Variants in GNA12 observed in about 807,000 individuals in gnomAD.
The protein encoded by GNA12 is G protein subunit alpha 12, also known as guanine nucleotide-binding protein subunit alpha-12.
In GNA12, 9 loss-of-function variants were observed where a neutral mutation model predicts 26.0. The observed-to-expected ratio is 0.35, with a 90% CI of 0.21 to 0.60. GNA12 has a LOEUF of 0.60. Among genes scored for constraint, GNA12 ranks in the 20% least tolerant of loss-of-function variants. The probability of loss-of-function intolerance (pLI) is 0.78; values close to 1 mark genes in which losing one functional copy is unlikely to be tolerated. For synonymous variants in GNA12, 264 were observed against 219.6 expected (o/e 1.20, Z -1.79); for missense variants, 405 against 525.8 (o/e 0.77, Z 2.25).
intron 2 of GNA12, among the ~76,000 whole-genome samples, chr7:2,742,912 T>C (rs1790583464): frequency 6.6e-6 from 1 of 152,242 alleles, no homozygotes; most frequent in Non-Finnish European, 1.5e-5. Context: ...TCTGTATTCA[T>C]TCTAATAATA....
At chr7:2,783,105 G>A (rs75506481) in intron 2 of GNA12, among the ~76,000 whole-genome samples, 2,194 of 152,270 alleles carry the variant, frequency 0.014, 48 homozygotes, top group African/African-American at 0.046. Flanking sequence ...TGACCCCACC[G>A]TCTGCTGCAG....
At chr7:2,834,368 C>A (rs1778767294) in intron 1 of GNA12, among the ~76,000 whole-genome samples, 1 of 152,206 alleles carries the variant, frequency 6.6e-6, no homozygotes, top group African/African-American at 2.4e-5. Flanking sequence ...TTCCCACTGG[C>A]CTCCTGCAAC....
chr7:2,749,413 A>G (rs1790917564), intron 2 of GNA12, among the ~76,000 whole-genome samples: 1 of 152,060 alleles, frequency 6.6e-6, no homozygotes, highest in Admixed American at 6.6e-5. Context: ...TTGCAAGGAC[A>G]AAAAACCAAA....
intron 1 of GNA12, among the ~76,000 whole-genome samples, chr7:2,800,626 G>T (rs908587267): frequency 6.6e-6 from 1 of 152,284 alleles, no homozygotes; most frequent in African/African-American, 2.4e-5. Context: ...AAGTTCCAAC[G>T]ATGTGATGTG....
chr7:2,802,500 C>A (rs572481958), intron 1 of GNA12, among the ~76,000 whole-genome samples: 4 of 152,068 alleles, frequency 2.6e-5, no homozygotes, highest in East Asian at 3.9e-4. Context: ...CTAATCAAAC[C>A]AAATCTTTTA....
intron 1 of GNA12, among the ~76,000 whole-genome samples, chr7:2,838,073 G>C (rs949139400): frequency 6.6e-6 from 1 of 151,872 alleles, no homozygotes; most frequent in Non-Finnish European, 1.5e-5. Flanking sequence ...CAGGAGACTG[G>C]GATCAGTTAC....
intron 2 of GNA12, chr7:2,762,971 T>C: frequency 7.4e-7 from 1 of 1,352,498 alleles, no homozygotes; most frequent in African/African-American, 1.5e-5. Context: ...CTCCTGCTCC[T>C]CAGAAAGAGC....
At chr7:2,770,673 CACAG>C (rs1180971180) in intron 2 of GNA12, among the ~76,000 whole-genome samples, 1 of 152,096 alleles carries the variant, frequency 6.6e-6, no homozygotes, top group East Asian at 1.9e-4. Context: ...CAAAACAACA[CACAG>C]AAAGAAAGAA....
intron 2 of GNA12, among the ~76,000 whole-genome samples, chr7:2,779,197 T>C (rs1016751942): frequency 1.3e-5 from 2 of 151,834 alleles, no homozygotes; most frequent in African/African-American, 2.4e-5. Context: ...CTACAAAAAA[T>C]TAAAAAGCCT....
rs1161544982 is a variant in GNA12, at chr7:2,729,039, A to T, written c.*2142T>A. 2 of 152,428 alleles carry T rather than the reference A, an allele frequency of 1.3e-5. No individual in the cohort carries two copies. The highest frequency in any genetic ancestry group is 2.4e-5 in the African/African-American group (1 of 41,478). The allele number at this position is 152,428 out of a possible 1,614,324, so 9.4% of individuals were successfully genotyped here. On this transcript the variant is annotated 3_prime_UTR_variant, in exon 4 of 4. Coordinates refer to ENST00000275364, the MANE Select transcript of GNA12 (RefSeq NM_007353.3). Reference sequence around the variant, plus strand: ...GACGAGTAAATATGTCAGACTGTTTAAAGGAAAACAAGCACTCATTGACAA... The same window carrying T: ...GACGAGTAAATATGTCAGACTGTTTTAAGGAAAACAAGCACTCATTGACAA...
intron 2 of GNA12, among the ~76,000 whole-genome samples, chr7:2,766,067 A>C (rs565210029): frequency 9.8e-5 from 15 of 152,340 alleles, no homozygotes; most frequent in African/African-American, 3.4e-4. Flanking sequence ...ACCGATCTCC[A>C]AAACTTTTTC....
intron 2 of GNA12, among the ~76,000 whole-genome samples, chr7:2,782,077 G>C (rs1792243211): frequency 6.6e-6 from 1 of 152,168 alleles, no homozygotes; most frequent in Non-Finnish European, 1.5e-5. Flanking sequence ...TTAACAAATT[G>C]TGCTAGAACA....
chr7:2,794,899 G>A, intron 2 of GNA12, 29 bp downstream of exon 2: 1 of 1,482,422 alleles, frequency 6.7e-7, no homozygotes, highest in Non-Finnish European at 9.4e-7. Flanking sequence ...ACACTATCAG[G>A]TGCCCAGCAA....
At chr7:2,828,058 A>G (rs1793524922) in intron 1 of GNA12, among the ~76,000 whole-genome samples, 1 of 152,226 alleles carries the variant, frequency 6.6e-6, no homozygotes, top group Non-Finnish European at 1.5e-5. Context: ...ATTAAGAAAC[A>G]AGACAAGTTT....
At chr7:2,808,815 A>G (rs936574380) in intron 1 of GNA12, among the ~76,000 whole-genome samples, 1 of 152,208 alleles carries the variant, frequency 6.6e-6, no homozygotes, top group East Asian at 1.9e-4. Flanking sequence ...TGCTAAGCCT[A>G]GGTCAGCTCT....
chr7:2,745,948 T>A (rs1218564261), intron 2 of GNA12, among the ~76,000 whole-genome samples: 2 of 151,976 alleles, frequency 1.3e-5, no homozygotes, highest in African/African-American at 4.8e-5. Flanking sequence ...GGTAAAGCGA[T>A]CAATTCAACA....
chr7:2,745,103 T>G (rs1790702081), intron 2 of GNA12, among the ~76,000 whole-genome samples: 1 of 152,174 alleles, frequency 6.6e-6, no homozygotes, highest in Non-Finnish European at 1.5e-5. Flanking sequence ...CTGCAGGATA[T>G]TATCCAGGAA....
At chr7:2,826,844 T>G (rs1182196) in intron 1 of GNA12, among the ~76,000 whole-genome samples, 57,450 of 152,058 alleles carry the variant, frequency 0.38, 11,379 homozygotes, top group Admixed American at 0.45. Context: ...GTGAAACTAT[T>G]TTGAATGATG....
intron 1 of GNA12, among the ~76,000 whole-genome samples, chr7:2,797,152 G>A (rs1436963271): frequency 6.6e-6 from 1 of 152,190 alleles, no homozygotes; most frequent in Admixed American, 6.5e-5. Flanking sequence ...ACTTATCTAT[G>A]TTCCTTTTTT....
Sources: allele counts gnomAD v4.1 joint callset (sites outside exome capture counted in the v4.1 genomes callset), GRCh38; gene constraint gnomAD v4.1.1; transcripts MANE v1.5; gene names NCBI Gene and HGNC (gene_info 2026-07-23, HGNC 2026-07-21).